CNTNAP5: variants seen among roughly 807,000 people sequenced by gnomAD.
The protein encoded by CNTNAP5 is contactin associated protein family member 5, also known as contactin-associated protein-like 5.
Under a neutral mutation model 150.2 loss-of-function variants are expected in CNTNAP5, and 72 were observed. That is an observed-to-expected ratio of 0.48 (90% CI 0.40 to 0.58). CNTNAP5 has a LOEUF of 0.58. Among genes scored for constraint, CNTNAP5 ranks in the 20% least tolerant of loss-of-function variants. The probability of loss-of-function intolerance (pLI) is 0.00; values close to 1 mark genes in which losing one functional copy is unlikely to be tolerated. For synonymous variants in CNTNAP5, 672 were observed against 619.8 expected, an observed-to-expected ratio of 1.08 and a Z score of -1.25; for missense variants, 1,636 against 1,626.2, an observed-to-expected ratio of 1.01 and a Z score of -0.10.
At chr2:124,773,162 A>G (rs2104611816) in intron 17 of CNTNAP5, 145 bp downstream of exon 17, 2 of 696,070 alleles carry the variant, frequency 2.9e-6, no homozygotes, top group East Asian at 2.7e-5. Flanking sequence ...TTCATTCTAT[A>G]CATTCTTTTA....
intron 3 of CNTNAP5, among the ~76,000 whole-genome samples, chr2:124,296,154 CT>C (rs1363793592): frequency 3.3e-5 from 5 of 151,970 alleles, no homozygotes; most frequent in South Asian, 4.2e-4. Context: ...TGATAGTGCA[CT>C]TTTTTTTCAT....
At chr2:124,499,242 T>C (rs1172399957) in intron 7 of CNTNAP5, among the ~76,000 whole-genome samples, 1 of 152,220 alleles carries the variant, frequency 6.6e-6, no homozygotes, top group African/African-American at 2.4e-5. Context: ...AGATGATCTA[T>C]ACCAAATTGT....
chr2:124,845,433 G>A (rs1215848887), intron 19 of CNTNAP5, among the ~76,000 whole-genome samples: 2 of 139,514 alleles, frequency 1.4e-5, no homozygotes, highest in Non-Finnish European at 3.1e-5. Flanking sequence ...ATATTGGTCT[G>A]TAGTATTTTT....
chr2:124,041,976 C>A (rs1050661330), intron 1 of CNTNAP5, among the ~76,000 whole-genome samples: 1 of 152,096 alleles, frequency 6.6e-6, no homozygotes, highest in East Asian at 1.9e-4. Flanking sequence ...ATTCTTCTGC[C>A]TCAGCCTCCG....
intron 2 of CNTNAP5, among the ~76,000 whole-genome samples, chr2:124,229,997 C>G (rs1686574158): frequency 6.6e-6 from 1 of 151,856 alleles, no homozygotes; most frequent in Non-Finnish European, 1.5e-5. Flanking sequence ...GAGATGCTTG[C>G]CTGTGTAAGT....
At chr2:124,321,140 C>G (rs1689087857) in intron 3 of CNTNAP5, among the ~76,000 whole-genome samples, 1 of 152,046 alleles carries the variant, frequency 6.6e-6, no homozygotes, top group South Asian at 2.1e-4. Flanking sequence ...AGTGCTGGAG[C>G]TAAAAATAAA....
In CNTNAP5 at chr2:124,356,199, TAAAAG is replaced by T. The variant is rs1310997477; in HGVS notation, c.382-61242_382-61238del. ...ACAAATATTTTAGAAGGTATAAAAA[TAAAAG>T]ATAATATCCTGCTTCTACTAAAATA... On this transcript the variant is annotated intron_variant, in intron 3 of 23. Coordinates refer to ENST00000682447, the MANE Select transcript of CNTNAP5 (RefSeq NM_001367498.1). Among the ~76,000 whole-genome samples, 15 of 151,984 alleles carry T rather than the reference TAAAAG, an allele frequency of 9.9e-5. No homozygotes were observed. The East Asian group carries it at 2.7e-3, about 27-fold the overall frequency.
chr2:124,862,096 G>A (rs1470859572), intron 19 of CNTNAP5, among the ~76,000 whole-genome samples: 4 of 152,312 alleles, frequency 2.6e-5, no homozygotes, highest in South Asian at 2.1e-4. Context: ...TTACAGGCGT[G>A]AGCCATCACA....
intron 21 of CNTNAP5, among the ~76,000 whole-genome samples, chr2:124,890,812 T>G (rs1482294723): frequency 6.6e-6 from 1 of 152,086 alleles, no homozygotes; most frequent in Admixed American, 6.6e-5. Context: ...GCTGAAAGAC[T>G]AATTAGAACA....
At chr2:124,416,680 T>TA (rs77748459) in intron 3 of CNTNAP5, among the ~76,000 whole-genome samples, 1 of 152,132 alleles carries the variant, frequency 6.6e-6, no homozygotes, top group Non-Finnish European at 1.5e-5. Flanking sequence ...CTTCTTTTTT[T>TA]AAAAAATCTG....
chr2:124,039,029 T>C (rs911921986), intron 1 of CNTNAP5, among the ~76,000 whole-genome samples: 10 of 152,222 alleles, frequency 6.6e-5, no homozygotes. Context: ...GCAGACGCTT[T>C]ATTCTAAACC....
intron 3 of CNTNAP5, among the ~76,000 whole-genome samples, chr2:124,309,879 A>G (rs1688780574): frequency 6.6e-6 from 1 of 152,186 alleles, no homozygotes; most frequent in African/African-American, 2.4e-5. Flanking sequence ...GATTTATCTG[A>G]AATACATATT....
intron 2 of CNTNAP5, among the ~76,000 whole-genome samples, chr2:124,227,551 G>A (rs1686490899): frequency 6.6e-6 from 1 of 151,638 alleles, no homozygotes; most frequent in South Asian, 2.1e-4. Flanking sequence ...ACTTGTCAAA[G>A]TATAATTTTC....
intron 1 of CNTNAP5, among the ~76,000 whole-genome samples, chr2:124,030,202 G>A (rs1277242291): frequency 6.6e-6 from 1 of 151,882 alleles, no homozygotes; most frequent in African/African-American, 2.4e-5. Flanking sequence ...CATTTTATTT[G>A]GATATTTCTG....
chr2:124,533,987 T>A (rs944964459), intron 10 of CNTNAP5, among the ~76,000 whole-genome samples: 2 of 152,076 alleles, frequency 1.3e-5, no homozygotes, highest in African/African-American at 4.8e-5. Context: ...CTCCCCAGTA[T>A]TGCTTAAAAA....
At chr2:124,557,066 T>C (rs913007066) in intron 10 of CNTNAP5, among the ~76,000 whole-genome samples, 5 of 151,252 alleles carry the variant, frequency 3.3e-5, no homozygotes, top group Middle Eastern at 3.2e-3. Flanking sequence ...CTGCTTCTGA[T>C]CCAATTAGAG....
chr2:124,832,270 A>C (rs1682731594), intron 19 of CNTNAP5, among the ~76,000 whole-genome samples: 2 of 152,154 alleles, frequency 1.3e-5, no homozygotes, highest in Non-Finnish European at 2.9e-5. Context: ...ACTGGAAAAT[A>C]TTTAAACTTA....
rs772990693 is a variant in CNTNAP5 at position 124,563,321 on chromosome 2, A to G, written c.1754A>G (p.Asn585Ser). 15 of 1,549,006 alleles carry G rather than the reference A, an allele frequency of 9.7e-6. No homozygotes were observed. The highest frequency in any genetic ancestry group is 1.7e-4 in the Middle Eastern group (1 of 5,986). Residue 585 changes from asparagine to serine, a missense_variant and splice_region_variant, in exon 11 of 24, where the codon AAC (asparagine) becomes AGC (serine). Asn to Ser is a conservative substitution (Grantham distance 46). Coordinates refer to ENST00000682447, the MANE Select transcript of CNTNAP5 (RefSeq NM_001367498.1). ...AGTTACACTGGTGCCACCTGCCACA[A>G]CTGTGAGTAGATTGATCATTTGCCC... ...DTSYTGATCH[N>S]SIYEQSCEVY...
chr2:124,164,559 G>T (rs1454648742), intron 1 of CNTNAP5, among the ~76,000 whole-genome samples: 1 of 152,142 alleles, frequency 6.6e-6, no homozygotes, highest in East Asian at 1.9e-4. Context: ...AAAAAGTAAG[G>T]TTTTGGAGAA....
Sources: allele counts gnomAD v4.1 joint callset (sites outside exome capture counted in the v4.1 genomes callset), GRCh38; gene constraint gnomAD v4.1.1; transcripts MANE v1.5; gene names NCBI Gene and HGNC (gene_info 2026-07-23, HGNC 2026-07-21).